The following CREB5 variants were observed in gnomAD, a reference collection of about 807,000 sequenced individuals.
CREB5 encodes cAMP responsive element binding protein 5.
A neutral mutation model predicts 57.1 loss-of-function variants in CREB5; 19 were observed. That is an observed-to-expected ratio of 0.33 (90% CI 0.23 to 0.49). The LOEUF (loss-of-function observed/expected upper bound fraction) is 0.49, where lower values mean the gene tolerates loss of function less well. Ranked by LOEUF, CREB5 falls within the 20% of genes least tolerant of loss-of-function variation. CREB5 has a pLI of 0.99. For synonymous variants in CREB5, 238 were observed against 238.3 expected, an observed-to-expected ratio of 1.00 and a Z score of 0.01; for missense variants, 579 against 671.6, an observed-to-expected ratio of 0.86 and a Z score of 1.52.
intron 7 of CREB5, among the ~76,000 whole-genome samples, chr7:28,773,529 AG>A: frequency 1.3e-5 from 1 of 78,326 alleles, no homozygotes; most frequent in Non-Finnish European, 3.5e-5. Flanking sequence ...TTTGTGAGTC[AG>A]TCATATGATG....
At chr7:28,451,181 AG>A (rs1046812415) in intron 1 of CREB5, among the ~76,000 whole-genome samples, 4 of 151,932 alleles carry the variant, frequency 2.6e-5, no homozygotes, top group Non-Finnish European at 4.4e-5. Context: ...ATTCAGAGGG[AG>A]GGTCTCTGCT....
At chr7:28,560,855 T>TGTGTGC (rs1795108301) in intron 4 of CREB5, among the ~76,000 whole-genome samples, 2 of 56,388 alleles carry the variant, frequency 3.5e-5, no homozygotes, top group South Asian at 7.7e-4. Flanking sequence ...CGCGTGTGTG[T>TGTGTGC]GTGCGTGTGC....
At chr7:28,553,249 C>A (rs1794741286) in intron 4 of CREB5, among the ~76,000 whole-genome samples, 1 of 152,172 alleles carries the variant, frequency 6.6e-6, no homozygotes, top group Non-Finnish European at 1.5e-5. Context: ...GGGAGATGCA[C>A]CAGGCCTTTT....
At chr7:28,754,030 C>T (rs1805138114) in intron 7 of CREB5, among the ~76,000 whole-genome samples, 1 of 149,752 alleles carries the variant, frequency 6.7e-6, no homozygotes, top group Admixed American at 6.6e-5. Flanking sequence ...TACAGAAAGC[C>T]AAATATCTAG....
chr7:28,362,718 CAGT>C (rs1374699103), intron 1 of CREB5, among the ~76,000 whole-genome samples: 39 of 152,138 alleles, frequency 2.6e-4, no homozygotes, highest in Admixed American at 3.3e-4. Context: ...ATGCCTGTAG[CAGT>C]AGTTACCATC....
chr7:28,450,383 C>T (rs1478592617), intron 1 of CREB5, among the ~76,000 whole-genome samples: 3 of 152,218 alleles, frequency 2.0e-5, no homozygotes, highest in Admixed American at 6.5e-5. Context: ...TATCCCAGTT[C>T]TAAAGCGTGA....
At chr7:28,493,025 A>G (rs1474420888) in intron 2 of CREB5, among the ~76,000 whole-genome samples, 1 of 152,172 alleles carries the variant, frequency 6.6e-6, no homozygotes, top group Non-Finnish European at 1.5e-5. Flanking sequence ...ATGCTTTCCA[A>G]TTTATATAAT....
At chr7:28,343,188 C>T (rs7777262) in intron 1 of CREB5, among the ~76,000 whole-genome samples, 114,663 of 152,056 alleles carry the variant, frequency 0.75, 43,351 homozygotes, top group Admixed American at 0.77. Flanking sequence ...GATCTGCCTG[C>T]CTCGGCCTCC....
chr7:28,569,752 T>C (rs1795624199), intron 4 of CREB5, among the ~76,000 whole-genome samples: 2 of 152,192 alleles, frequency 1.3e-5, no homozygotes, highest in South Asian at 4.1e-4. Context: ...ATGGATTTTA[T>C]GAAAATACAG....
chr7:28,485,719 G>A (rs1791518753), intron 1 of CREB5, among the ~76,000 whole-genome samples: 1 of 152,074 alleles, frequency 6.6e-6, no homozygotes, highest in African/African-American at 2.4e-5. Flanking sequence ...GAAGTTCCAG[G>A]AAAGCATTTA....
chr7:28,606,308 A>AT (rs1167763036), intron 5 of CREB5, among the ~76,000 whole-genome samples: 1 of 152,110 alleles, frequency 6.6e-6, no homozygotes, highest in African/African-American at 2.4e-5. Flanking sequence ...AGAATTATTA[A>AT]TTTTTTACTT....
intron 5 of CREB5, among the ~76,000 whole-genome samples, chr7:28,679,264 T>C (rs1800476987): frequency 6.6e-6 from 1 of 152,144 alleles, no homozygotes; most frequent in East Asian, 1.9e-4. Flanking sequence ...ACAACATTTT[T>C]CCACTGATTA....
intron 4 of CREB5, among the ~76,000 whole-genome samples, chr7:28,512,587 T>TA (rs5883141): frequency 0.28 from 42,391 of 151,952 alleles, 6,047 homozygotes; most frequent in South Asian, 0.37. Context: ...TTTAATGACT[T>TA]AAAAAAGAAA....
chr7:28,564,424 A>T (rs1431590092), intron 4 of CREB5, among the ~76,000 whole-genome samples: 1 of 152,222 alleles, frequency 6.6e-6, no homozygotes, highest in African/African-American at 2.4e-5. Flanking sequence ...AGTTATTTTT[A>T]AAAACACGGA....
chr7:28,514,189 T>C (rs216706), intron 4 of CREB5, among the ~76,000 whole-genome samples: 127,093 of 152,120 alleles, frequency 0.84, 53,262 homozygotes, highest in African/African-American at 0.88. Flanking sequence ...TATTTTATCT[T>C]TTGCGACTGG....
chr7:28,616,667 C>T (rs915288544), intron 5 of CREB5, among the ~76,000 whole-genome samples: 3 of 152,072 alleles, frequency 2.0e-5, no homozygotes, highest in African/African-American at 7.2e-5. Context: ...GCACTCCAAC[C>T]AGAGAGGCAG....
intron 1 of CREB5, among the ~76,000 whole-genome samples, chr7:28,379,361 A>G (rs1355782708): frequency 1.3e-5 from 2 of 152,190 alleles, no homozygotes; most frequent in African/African-American, 4.8e-5. Context: ...TGTTTATCAC[A>G]ATATGTTCTG....
chr7:28,401,862 C>A (rs1412599525), intron 1 of CREB5, among the ~76,000 whole-genome samples: 1 of 152,174 alleles, frequency 6.6e-6, no homozygotes, highest in Non-Finnish European at 1.5e-5. Flanking sequence ...AATAGTGCCA[C>A]AATAAACATA....
intron 1 of CREB5, among the ~76,000 whole-genome samples, chr7:28,327,209 G>T (rs1394388993): frequency 1.3e-5 from 2 of 151,488 alleles, no homozygotes; most frequent in Non-Finnish European, 2.9e-5. Flanking sequence ...TATGATTCTG[G>T]AATGTGGAGT....
Sources: gnomAD v4.1 joint callset for allele counts (sites outside exome capture counted in the v4.1 genomes callset) on GRCh38, gnomAD v4.1.1 for gene constraint, MANE v1.5 for transcripts, NCBI Gene and HGNC (gene_info 2026-07-23, HGNC 2026-07-21) for gene names.